Variants in CLEC20A observed in about 807,000 individuals in gnomAD.
CLEC20A encodes the protein C-type lectin domain containing 20A.
intron 5 of CLEC20A, among the ~76,000 whole-genome samples, chr1:178,487,260 G>A (rs1649171676): frequency 6.6e-6 from 1 of 152,216 alleles, no homozygotes; most frequent in South Asian, 2.1e-4. Context: ...CGAGCCTGGG[G>A]CAGCCAGGCA....
At chr1:178,486,010 A>C (rs1428664041) in intron 5 of CLEC20A, among the ~76,000 whole-genome samples, 3 of 152,220 alleles carry the variant, frequency 2.0e-5, no homozygotes, top group Non-Finnish European at 4.4e-5. Flanking sequence ...AGGCACTGAG[A>C]GATGAGAAAA....
At chr1:178,490,305 T>C (rs1288023547) in exon 4 of CLEC20A, 1 of 398,596 alleles carries the variant, frequency 2.5e-6, no homozygotes, top group Non-Finnish European at 4.4e-6. Context: ...CAAGGCCTCC[T>C]TGCCTGTCTC....
rs1055505090 is a variant in CLEC20A, at chr1:178,479,955, T to C, written c.1123-340A>G. On this transcript the variant is annotated intron_variant, in intron 7 of 7. Coordinates refer to ENST00000623247, the Ensembl canonical transcript of CLEC20A. ...GAGGAGTACCTCTTGAGCTCCACCA[T>C]TGAACAATTAAATAGAATCTCTCTA... is the stretch of plus-strand genomic sequence containing the variant. 10 of 160,888 alleles carry C rather than the reference T, an allele frequency of 6.2e-5. 1 individual carries two copies. Among genetic ancestry groups the C allele is most frequent in the Non-Finnish European group, 1.2e-4 (9 of 75,366 alleles). The allele number at this position is 160,888 out of a possible 1,614,324, so 10.0% of individuals were successfully genotyped here. A position where few individuals can be genotyped will look rare whatever the true frequency, so the allele number is the denominator to read the frequency against.
At chr1:178,499,160 C>T (rs889322214), upstream of CLEC20A, among the ~76,000 whole-genome samples, 27 of 152,216 alleles carry the variant, frequency 1.8e-4, no homozygotes, top group Non-Finnish European at 2.4e-4. Flanking sequence ...ACTTGGAACT[C>T]CAGGCTGAAA....
chr1:178,479,470 A>G, exon 8 of CLEC20A: 1 of 397,450 alleles, frequency 2.5e-6, no homozygotes, highest in East Asian at 3.6e-5. Context: ...GGATTAAAAA[A>G]TTAAAATTTA....
chr1:178,485,329 G>T lies in CLEC20A; in HGVS notation c.929-2047C>A, dbSNP rs1465431685. On this transcript the variant is annotated intron_variant, in intron 5 of 7. Coordinates refer to ENST00000623247, the Ensembl canonical transcript of CLEC20A. ...TGGGGGATCAAGTCCTTCAGATTTT[G>T]CCCCCAGTGTACCCCTTTCTCCTCA... Among the ~76,000 whole-genome samples the T allele has an allele frequency of 1.2e-4, 19 of 152,124 alleles. No homozygotes were observed. The East Asian group carries it at 3.5e-3, about 28-fold the overall frequency.
intron 3 of CLEC20A, 59 bp from the exon 4 acceptor site, chr1:178,490,496 C>A (rs182245257): frequency 2.5e-6 from 1 of 398,258 alleles, no homozygotes; most frequent in East Asian, 3.6e-5. Context: ...GACAGCCCAG[C>A]CTTCATCACC....
rs1484477327 is a variant in CLEC20A at position 178,482,307 on chromosome 1, C to G, written c.1122+5G>C. On this transcript the variant is annotated splice_donor_5th_base_variant and intron_variant, in intron 7 of 7. Transcript: ENST00000623247. ...CAGAATTAGAAGAGTGTGCAGAAGT[C>G]TCACCTGTCTCAGAAATTGGTCTTT... is the stretch of plus-strand genomic sequence containing the variant. 2 of 398,362 alleles carry G rather than the reference C, an allele frequency of 5.0e-6. No homozygotes were observed. Among genetic ancestry groups the G allele is most frequent in the Non-Finnish European group, 8.8e-6 (2 of 226,026 alleles). 24.7% of individuals were successfully genotyped at this position (398,362 alleles called of 1,614,324 possible). A position where few individuals can be genotyped will look rare whatever the true frequency, so the allele number is the denominator to read the frequency against.
intron 5 of CLEC20A, chr1:178,486,346 G>A (rs1399808376): frequency 2.5e-6 from 1 of 397,996 alleles, no homozygotes; most frequent in African/African-American, 2.1e-5. Flanking sequence ...ATGGAAGCCA[G>A]GCCTGGTCGC....
intron 5 of CLEC20A, chr1:178,486,848 C>G: frequency 2.5e-6 from 1 of 398,468 alleles, no homozygotes; most frequent in Non-Finnish European, 4.4e-6. Context: ...TCCGCGGGAA[C>G]CAAGGTGCCC....
intron 2 of CLEC20A, 111 bp downstream of exon 2, chr1:178,494,343 C>T (rs535257785): frequency 1.7e-4 from 68 of 397,704 alleles, no homozygotes; most frequent in African/African-American, 1.2e-3. Context: ...CACCTGAGCC[C>T]AGGAGTTGGA....
In CLEC20A at chr1:178,482,295, G is replaced by C. The variant is rs1263251145; in HGVS notation, c.1122+17C>G. 2.5e-6 allele frequency: 1 copy of C among 398,476 alleles called. No homozygotes were observed. The highest frequency in any genetic ancestry group is 4.4e-5 in the Admixed American group (1 of 22,718). The allele number at this position is 398,476 out of a possible 1,614,324, so 24.7% of individuals were successfully genotyped here. A position where few individuals can be genotyped will look rare whatever the true frequency, so the allele number is the denominator to read the frequency against. ...CAATCATCTGATCAGAATTAGAAGA[G>C]TGTGCAGAAGTCTCACCTGTCTCAG... On this transcript the variant is annotated intron_variant, in intron 7 of 7. Coordinates refer to ENST00000623247, the Ensembl canonical transcript of CLEC20A.
intron 5 of CLEC20A, chr1:178,484,549 G>A (rs1292002384): frequency 1.3e-5 from 2 of 151,976 alleles, no homozygotes; most frequent in Non-Finnish European, 2.9e-5. Context: ...AGGCGTGGTG[G>A]TGTATGCATA....
At chr1:178,486,945 C>G (rs1255172813) in intron 5 of CLEC20A, 2 of 396,968 alleles carry the variant, frequency 5.0e-6, no homozygotes, top group South Asian at 2.8e-4. Context: ...CGGAAGCGCG[C>G]GAGTAGGAGG....
At chr1:178,496,608 G>A (rs960268169) in intron 1 of CLEC20A, 8 of 364,984 alleles carry the variant, frequency 2.2e-5, no homozygotes, top group Middle Eastern at 6.7e-4. Flanking sequence ...AGTGACCTGC[G>A]CGGCCGTCTC....
intron 3 of CLEC20A, among the ~76,000 whole-genome samples, chr1:178,491,343 C>A (rs1649262234): frequency 6.6e-6 from 1 of 152,210 alleles, no homozygotes. Context: ...GAGTCACATC[C>A]TCAGATTCAA....
rs556526998 is a variant in CLEC20A, at chr1:178,485,816, C to G, written c.929-2534G>C. 1.8e-4 allele frequency among the ~76,000 whole-genome samples: 27 copies of G among 152,276 alleles called. No individual in the cohort carries two copies. In the East Asian group the frequency reaches 4.6e-3, roughly 26 times the overall value. On this transcript the variant is annotated intron_variant, in intron 5 of 7. Transcript: ENST00000623247. ...AAAGAAGTACAGAACAGCCCCTGCC[C>G]TGTGAGATTCTGCAATCTCAATAAT...
intron 6 of CLEC20A, chr1:178,482,617 T>C (rs896274818): frequency 1.6e-5 from 6 of 377,042 alleles, no homozygotes; most frequent in Non-Finnish European, 2.8e-5. Context: ...TAATGCGAAG[T>C]CTTCCACAGC....
chr1:178,479,806 G>C lies in CLEC20A; in HGVS notation c.1123-191C>G, dbSNP rs766810895. ...GAAAATACATAAATTAATTTTGTTA[G>C]CAAAAAAAAAAATTTAATGACAAAG... On this transcript the variant is annotated intron_variant, in intron 7 of 7. Coordinates refer to ENST00000623247, the Ensembl canonical transcript of CLEC20A. 42 of 339,372 alleles carry C rather than the reference G, an allele frequency of 1.2e-4. No individual in the cohort carries two copies. The Middle Eastern group carries it at 6.1e-3, about 49-fold the overall frequency. 21.0% of individuals were successfully genotyped at this position (339,372 alleles called of 1,614,324 possible). A position where few individuals can be genotyped will look rare whatever the true frequency, so the allele number is the denominator to read the frequency against.
Sources: gnomAD v4.1 joint callset for allele counts (sites outside exome capture counted in the v4.1 genomes callset) on GRCh38, gnomAD v4.1.1 for gene constraint, MANE v1.5 for transcripts, NCBI Gene and HGNC (gene_info 2026-07-23, HGNC 2026-07-21) for gene names.